The following DNAI7 variants were observed in gnomAD, a reference collection of about 807,000 sequenced individuals.
DNAI7 encodes the protein dynein axonemal intermediate chain 7.
DNAI7 carries 78 observed loss-of-function variants against 86.6 expected under a neutral mutation model. That is an observed-to-expected ratio of 0.90 (90% confidence interval 0.75 to 1.09). The LOEUF (loss-of-function observed/expected upper bound fraction) is 1.09, where lower values mean the gene tolerates loss of function less well. Ranked by LOEUF, DNAI7 falls within the 50% of genes least tolerant of loss-of-function variation. DNAI7 has a pLI of 0.00. For missense variants in DNAI7, 753 were observed against 810.2 expected (o/e 0.93, Z 0.86); for synonymous variants, 274 against 273.0 (o/e 1.00, Z -0.04).
At chr12:25,169,869 A>G (rs897785310) in intron 2 of DNAI7, among the ~76,000 whole-genome samples, 18 of 151,844 alleles carry the variant, frequency 1.2e-4, no homozygotes, top group African/African-American at 4.1e-4. Flanking sequence ...AAAAAAGAAA[A>G]AAAAGATACA....
At chr12:25,124,382 T>C (rs976667879) in intron 9 of DNAI7, among the ~76,000 whole-genome samples, 2 of 151,952 alleles carry the variant, frequency 1.3e-5, no homozygotes, top group Admixed American at 6.6e-5. Flanking sequence ...ACAGAGCTCC[T>C]AAATAGTAGT....
intron 9 of DNAI7, among the ~76,000 whole-genome samples, chr12:25,136,354 G>C (rs1400794310): frequency 6.6e-6 from 1 of 152,202 alleles, no homozygotes; most frequent in Non-Finnish European, 1.5e-5. Flanking sequence ...CATCTGTAGG[G>C]GAAGGGGGAG....
At position 25,114,716 on chromosome 12, in the gene DNAI7, A is replaced by G. The variant is rs769926510; in HGVS notation, c.1551T>C (p.Asp517=). ...PYQSWELRPL[D]VNKVLLTVTT... is the part of the protein sequence containing the mutation. ...TCACAGTTAAAAGTACTTTATTTAC[A>G]TCAAGTGGTCTTAGTTCCCATGACT... The change falls in exon 13 of 16, where the codon GAT becomes GAC. Residue 517 remains aspartate, a synonymous_variant. Coordinates refer to ENST00000395987, the MANE Select transcript of DNAI7 (RefSeq NM_018272.5). The G allele has an allele frequency of 1.2e-6, 2 of 1,614,020 alleles. No homozygotes were observed. The highest frequency in any genetic ancestry group is 1.7e-6 in the Non-Finnish European group (2 of 1,179,890).
intron 1 of DNAI7, 80 bp from the exon 2 acceptor site, chr12:25,190,711 A>G: frequency 1.3e-6 from 1 of 764,260 alleles, no homozygotes; most frequent in East Asian, 2.9e-5. Flanking sequence ...GTAAGATGTT[A>G]AAATTAGAAG....
intron 9 of DNAI7, 52 bp from the exon 10 acceptor site, chr12:25,123,338 A>T: frequency 8.1e-7 from 1 of 1,237,544 alleles, no homozygotes; most frequent in Non-Finnish European, 1.1e-6. Flanking sequence ...TACATAGTAC[A>T]GTCATTGTCT....
chr12:25,126,890 GCTT>G (rs1277856947), intron 9 of DNAI7, among the ~76,000 whole-genome samples: 2 of 152,128 alleles, frequency 1.3e-5, no homozygotes. Flanking sequence ...GACCAAACTG[GCTT>G]CTTATCTTGC....
downstream of DNAI7, chr12:25,108,147 T>G: frequency 6.9e-7 from 1 of 1,454,064 alleles, no homozygotes; most frequent in Non-Finnish European, 9.4e-7. Context: ...TGGGAAAGTA[T>G]AGCATGAAAC....
At chr12:25,166,431 T>C (rs1021153536) in intron 2 of DNAI7, among the ~76,000 whole-genome samples, 1 of 152,116 alleles carries the variant, frequency 6.6e-6, no homozygotes, top group African/African-American at 2.4e-5. Context: ...GCACCCTTCA[T>C]CCCAGCCTCT....
At position 25,117,253 on chromosome 12, in the gene DNAI7, A is replaced by ACT. The variant is rs1427577917; in HGVS notation, c.1396+1890_1396+1891dup. On this transcript the variant is annotated intron_variant, in intron 12 of 15. Coordinates refer to ENST00000395987, the MANE Select transcript of DNAI7 (RefSeq NM_018272.5). The stretch of plus-strand genomic sequence containing the variant: ...CCGGCCTACTGTTTTTAATACATAG[A>ACT]CTATTTCTAGAATATAAATAATACA... Among the ~76,000 whole-genome samples, 3 of 152,198 alleles carry ACT rather than the reference A, an allele frequency of 2.0e-5. No individual in the cohort carries two copies. The East Asian group carries it at 5.8e-4, about 29-fold the overall frequency.
chr12:25,156,056 A>G (rs1946127394), intron 4 of DNAI7, among the ~76,000 whole-genome samples: 1 of 152,060 alleles, frequency 6.6e-6, no homozygotes, highest in Non-Finnish European at 1.5e-5. Flanking sequence ...CTAACCCAAG[A>G]TCGCGCAACC....
At position 25,108,692 on chromosome 12, in the gene DNAI7, T is replaced by G; in HGVS notation, c.2025A>C (p.Glu675Asp). The G allele has an allele frequency of 6.2e-7, 1 of 1,613,582 alleles. No individual in the cohort carries two copies. The highest frequency in any genetic ancestry group is 8.5e-7 in the Non-Finnish European group (1 of 1,179,896). Residue 675 changes from glutamate to aspartate, a missense_variant, in exon 16 of 16, where the codon GAA becomes GAC. Glu to Asp is a conservative substitution (Grantham distance 45, BLOSUM62 2). Transcript: ENST00000395987. ...SEAFSEALKEETEFHSTLYHM... is the reference protein window; with the variant it reads ...SEAFSEALKEDTEFHSTLYHM... ...GATATAAAGTAGAATGAAACTCAGT[T>G]TCTTCTTTAAGTGCTTCAGAAAATG... is the stretch of plus-strand genomic sequence containing the variant.
At chr12:25,107,085 G>C, downstream of DNAI7, 2 of 1,236,884 alleles carry the variant, frequency 1.6e-6, no homozygotes, top group Non-Finnish European at 2.3e-6. Flanking sequence ...TACCATTTTA[G>C]TGGAATGGGA....
chr12:25,146,936 G>A, intron 8 of DNAI7, 65 bp downstream of exon 8: 2 of 837,162 alleles, frequency 2.4e-6, no homozygotes, highest in South Asian at 1.4e-5. Context: ...CATCTATCTG[G>A]CAATCATGAT....
chr12:25,143,337 C>G (rs947908199), intron 9 of DNAI7, among the ~76,000 whole-genome samples: 1 of 151,590 alleles, frequency 6.6e-6, no homozygotes, highest in African/African-American at 2.4e-5. Context: ...CAACATCCGC[C>G]TCCTGGGTTG....
intron 9 of DNAI7, among the ~76,000 whole-genome samples, chr12:25,139,628 C>T (rs1305507248): frequency 6.6e-6 from 1 of 152,076 alleles, no homozygotes; most frequent in Non-Finnish European, 1.5e-5. Flanking sequence ...TGTTCTCACT[C>T]ATAAGTGTGA....
intron 8 of DNAI7, among the ~76,000 whole-genome samples, chr12:25,144,977 A>C (rs1366758250): frequency 6.6e-6 from 1 of 152,068 alleles, no homozygotes; most frequent in African/African-American, 2.4e-5. Context: ...CTCCATCCTA[A>C]GCCCTTTTTC....
chr12:25,178,914 C>A (rs1228709916), intron 2 of DNAI7, among the ~76,000 whole-genome samples: 1 of 151,786 alleles, frequency 6.6e-6, no homozygotes, highest in African/African-American at 2.4e-5. Context: ...TATATTTGTT[C>A]TTATTATTTC....
chr12:25,164,275 A>G (rs1234281662), intron 2 of DNAI7, among the ~76,000 whole-genome samples: 1 of 151,160 alleles, frequency 6.6e-6, no homozygotes, highest in East Asian at 2.0e-4. Context: ...TCTAGAGGGC[A>G]AGAATCCCCC....
At chr12:25,161,290 G>T in intron 2 of DNAI7, 93 bp from the exon 3 acceptor site, 2 of 1,177,044 alleles carry the variant, frequency 1.7e-6, no homozygotes, top group Non-Finnish European at 1.3e-6. Context: ...AAACATTTTT[G>T]CTTTCATAAA....
Sources: gnomAD v4.1 joint callset for allele counts (sites outside exome capture counted in the v4.1 genomes callset) on GRCh38, gnomAD v4.1.1 for gene constraint, MANE v1.5 for transcripts, NCBI Gene and HGNC (gene_info 2026-07-23, HGNC 2026-07-21) for gene names.